ATRNL1: variants seen among roughly 807,000 people sequenced by gnomAD.
The protein encoded by ATRNL1 is attractin-like protein 1.
In ATRNL1, 95 loss-of-function variants were observed where a neutral mutation model predicts 182.7. The observed-to-expected ratio is 0.52, with a 90% confidence interval of 0.44 to 0.62. The LOEUF (loss-of-function observed/expected upper bound fraction) is 0.62. ATRNL1 is among the 20% of genes least tolerant of loss of function. The probability of loss-of-function intolerance (pLI) is 0.00; values close to 1 mark genes in which losing one functional copy is unlikely to be tolerated. For synonymous variants in ATRNL1, 576 were observed against 568.3 expected, an observed-to-expected ratio of 1.01 and a Z score of -0.19; for missense variants, 1,471 against 1,679.5, an observed-to-expected ratio of 0.88 and a Z score of 2.17.
At chr10:115,283,913 T>C (rs1852489631) in intron 14 of ATRNL1, among the ~76,000 whole-genome samples, 1 of 152,184 alleles carries the variant, frequency 6.6e-6, no homozygotes, top group Non-Finnish European at 1.5e-5. Flanking sequence ...TAATGAAATA[T>C]ATTATGCACA....
chr10:115,596,824 A>C (rs1421987650), intron 26 of ATRNL1, among the ~76,000 whole-genome samples: 1 of 152,160 alleles, frequency 6.6e-6, no homozygotes, highest in Admixed American at 6.6e-5. Flanking sequence ...TTAGTTTAAG[A>C]ATATTATTAT....
intron 26 of ATRNL1, among the ~76,000 whole-genome samples, chr10:115,568,163 A>G (rs1333194763): frequency 6.6e-6 from 1 of 152,086 alleles, no homozygotes; most frequent in Non-Finnish European, 1.5e-5. Flanking sequence ...ATTGTCATAC[A>G]TAGTAAGTGG....
At position 115,373,652 on chromosome 10, in the gene ATRNL1, A is replaced by T. The variant is rs182422981; in HGVS notation, c.3176-21007A>T. Among the ~76,000 whole-genome samples the T allele has an allele frequency of 9.8e-4, 149 of 152,170 alleles. 1 individual carries two copies. Among genetic ancestry groups the T allele is most frequent in the Middle Eastern group, 3.4e-3 (1 of 294 alleles). ...ATTTTTCATTCTCTTAATGTAGTAT[A>T]TAACAGTTGTTGATCTACATATGTT... On this transcript the variant is annotated intron_variant, in intron 19 of 28. Transcript: ENST00000355044.
intron 27 of ATRNL1, among the ~76,000 whole-genome samples, chr10:115,750,079 A>G (rs1041739364): frequency 2.0e-5 from 3 of 151,872 alleles, no homozygotes; most frequent in Non-Finnish European, 2.9e-5. Flanking sequence ...ATGATCTTCA[A>G]TATGCAAGGA....
chr10:115,189,623 A>C (rs1227603181), intron 8 of ATRNL1, among the ~76,000 whole-genome samples: 1 of 152,158 alleles, frequency 6.6e-6, no homozygotes, highest in African/African-American at 2.4e-5. Context: ...AAAAATTTTT[A>C]TAGCTGTAAA....
chr10:115,093,720 G>T lies in ATRNL1; in HGVS notation c.-31G>T. 2.8e-6 allele frequency: 4 copies of T among 1,417,178 alleles called. No homozygotes were observed. The highest frequency in any genetic ancestry group is 3.7e-6 in the Non-Finnish European group (4 of 1,091,166). 87.8% of individuals were successfully genotyped at this position (1,417,178 alleles called of 1,614,324 possible). A position where few individuals can be genotyped will look rare whatever the true frequency, so the allele number is the denominator to read the frequency against. On this transcript the variant is annotated 5_prime_UTR_variant, in exon 1 of 29. Coordinates refer to ENST00000355044, the MANE Select transcript of ATRNL1 (RefSeq NM_207303.4). The surrounding 1 kb of genome is among the most constrained non-coding windows in gnomAD (Gnocchi z 6.1). Reference sequence around the variant, plus strand: ...AGCATCCCTGTCGGCGCCCGCGAGCGCAGTCTCGCCGGGCAGGGGCGCCGG... The same window carrying T: ...AGCATCCCTGTCGGCGCCCGCGAGCTCAGTCTCGCCGGGCAGGGGCGCCGG...
At chr10:115,538,581 G>A (rs1852174703) in intron 25 of ATRNL1, among the ~76,000 whole-genome samples, 1 of 151,876 alleles carries the variant, frequency 6.6e-6, no homozygotes, top group African/African-American at 2.4e-5. Flanking sequence ...AATGTTTTTT[G>A]TATATTCTGG....
At chr10:115,122,808 A>G (rs1844802373) in intron 3 of ATRNL1, among the ~76,000 whole-genome samples, 1 of 152,156 alleles carries the variant, frequency 6.6e-6, no homozygotes, top group South Asian at 2.1e-4. Context: ...ACATTAGAAA[A>G]AGGATAGCCA....
At chr10:115,855,439 C>T (rs564536025) in intron 28 of ATRNL1, among the ~76,000 whole-genome samples, 3 of 152,270 alleles carry the variant, frequency 2.0e-5, no homozygotes, top group African/African-American at 7.2e-5. Flanking sequence ...TTGCTATGTT[C>T]TTTTCTTTTT....
intron 19 of ATRNL1, among the ~76,000 whole-genome samples, chr10:115,369,529 A>G (rs1857274860): frequency 6.6e-6 from 1 of 152,214 alleles, no homozygotes; most frequent in Non-Finnish European, 1.5e-5. Flanking sequence ...GCTGCAGTAA[A>G]CATGGGGAGT....
chr10:115,536,770 A>C (rs1346037491), intron 25 of ATRNL1, among the ~76,000 whole-genome samples: 1 of 152,178 alleles, frequency 6.6e-6, no homozygotes, highest in Non-Finnish European at 1.5e-5. Context: ...CCCAAAAATA[A>C]GACATTTAAT....
At chr10:115,508,175 G>A (rs1458431317) in intron 24 of ATRNL1, among the ~76,000 whole-genome samples, 1 of 151,672 alleles carries the variant, frequency 6.6e-6, no homozygotes. Context: ...AGTGCTCCTC[G>A]ATGTTACTTT....
intron 10 of ATRNL1, among the ~76,000 whole-genome samples, chr10:115,247,786 G>A (rs943582839): frequency 6.6e-6 from 1 of 152,116 alleles, no homozygotes; most frequent in Non-Finnish European, 1.5e-5. Flanking sequence ...TCCAACAAGG[G>A]ATGAATGAAT....
At chr10:115,884,664 CA>C (rs1382878902) in intron 28 of ATRNL1, among the ~76,000 whole-genome samples, 1 of 152,086 alleles carries the variant, frequency 6.6e-6, no homozygotes, top group African/African-American at 2.4e-5. Context: ...TATTTAAATG[CA>C]AAAAAACTGC....
chr10:115,851,536 CTG>C (rs1426282410), intron 28 of ATRNL1, among the ~76,000 whole-genome samples: 2 of 152,122 alleles, frequency 1.3e-5, no homozygotes, highest in Admixed American at 1.3e-4. Context: ...AAAAGAAAAA[CTG>C]TGCCAACTCA....
At chr10:115,822,821 G>A (rs868909105) in intron 27 of ATRNL1, among the ~76,000 whole-genome samples, 23 of 152,252 alleles carry the variant, frequency 1.5e-4, no homozygotes, top group Admixed American at 5.2e-4. Context: ...CCCAGGACCA[G>A]ATGGGTTCAC....
chr10:115,788,868 A>G (rs993752510), intron 27 of ATRNL1, among the ~76,000 whole-genome samples: 6 of 152,244 alleles, frequency 3.9e-5, no homozygotes, highest in African/African-American at 1.2e-4. Flanking sequence ...CAGTTGCCCT[A>G]TTGCCAATAA....
At chr10:115,326,789 A>T (rs1196736689) in intron 18 of ATRNL1, among the ~76,000 whole-genome samples, 1 of 152,166 alleles carries the variant, frequency 6.6e-6, no homozygotes, top group East Asian at 1.9e-4. Flanking sequence ...GCACATCTAC[A>T]ACTATCTGAT....
chr10:115,120,111 A>C, intron 1 of ATRNL1, 74 bp from the exon 2 acceptor site: 1 of 900,552 alleles, frequency 1.1e-6, no homozygotes, highest in Non-Finnish European at 1.7e-6. Context: ...ATGACTTTTA[A>C]ATTTTCTTAT....
Sources: gnomAD v4.1 joint callset for allele counts (sites outside exome capture counted in the v4.1 genomes callset) on GRCh38, gnomAD v4.1.1 for gene constraint, Gnocchi (gnomAD v3.1) non-coding constraint, MANE v1.5 for transcripts, NCBI Gene and HGNC (gene_info 2026-07-23, HGNC 2026-07-21) for gene names.